Variants in CDH4 observed in about 807,000 individuals in gnomAD.
CDH4 encodes cadherin-4.
CDH4 carries 33 observed loss-of-function variants against 86.0 expected under a neutral mutation model. The ratio of observed to expected loss-of-function variants is 0.38; its 90% CI spans 0.29 to 0.51. The LOEUF (loss-of-function observed/expected upper bound fraction) is 0.51, where lower values mean the gene tolerates loss of function less well. CDH4 is among the 20% of genes least tolerant of loss of function. The pLI, the probability that CDH4 is intolerant of heterozygous loss-of-function variation, is 0.86. For missense variants in CDH4, 1,114 were observed against 1,307.4 expected, an observed-to-expected ratio of 0.85 and a Z score of 2.28; for synonymous variants, 555 against 549.4, an observed-to-expected ratio of 1.01 and a Z score of -0.14.
At chr20:61,545,169 G>A (rs936131953) in intron 2 of CDH4, among the ~76,000 whole-genome samples, 11 of 152,210 alleles carry the variant, frequency 7.2e-5, no homozygotes, top group African/African-American at 1.2e-4. Flanking sequence ...ACGCAGCATC[G>A]GGACAACGTG....
At chr20:61,398,586 A>T (rs574224775) in intron 2 of CDH4, among the ~76,000 whole-genome samples, 52 of 152,298 alleles carry the variant, frequency 3.4e-4, no homozygotes, top group African/African-American at 1.2e-3. Context: ...CTCCTCTTCT[A>T]GGGAGCCGAG....
chr20:61,745,113 C>T (rs565392781), intron 3 of CDH4, among the ~76,000 whole-genome samples: 8 of 152,364 alleles, frequency 5.3e-5, no homozygotes, highest in South Asian at 4.1e-4. Context: ...GAAATCACCA[C>T]GCAAGGCGGC....
chr20:61,630,057 T>C (rs1272004021), intron 2 of CDH4, among the ~76,000 whole-genome samples: 1 of 152,094 alleles, frequency 6.6e-6, no homozygotes, highest in African/African-American at 2.4e-5. Context: ...CCAGGGAGCC[T>C]GGCAGAGGCA....
chr20:61,884,616 C>T (rs1371727558), intron 7 of CDH4, among the ~76,000 whole-genome samples: 3 of 152,072 alleles, frequency 2.0e-5, no homozygotes, highest in African/African-American at 2.4e-5. Context: ...CCACCCCAGG[C>T]GAGGGAACCT....
At chr20:61,705,392 C>T (rs2087818766) in intron 2 of CDH4, among the ~76,000 whole-genome samples, 1 of 152,258 alleles carries the variant, frequency 6.6e-6, no homozygotes, top group Non-Finnish European at 1.5e-5. Context: ...GGAGCACGTT[C>T]AGCCCTTCAT....
chr20:61,856,434 A>G (rs1320397890), intron 6 of CDH4, among the ~76,000 whole-genome samples: 1 of 110,834 alleles, frequency 9.0e-6, no homozygotes, highest in African/African-American at 3.6e-5. Context: ...CTCTTCCCCA[A>G]CCACCCTGGG....
At chr20:61,367,122 G>A (rs1299768820) in intron 2 of CDH4, among the ~76,000 whole-genome samples, 1 of 152,168 alleles carries the variant, frequency 6.6e-6, no homozygotes, top group Non-Finnish European at 1.5e-5. Flanking sequence ...AAATGTGCAG[G>A]TCCTCAGGGA....
At chr20:61,526,479 G>GTTT (rs113473143) in intron 2 of CDH4, among the ~76,000 whole-genome samples, 7 of 150,204 alleles carry the variant, frequency 4.7e-5, no homozygotes, top group African/African-American at 1.7e-4. Context: ...TCCCTGGCTT[G>GTTT]TTTTTTTTTC....
chr20:61,610,110 G>A (rs2086673628), intron 2 of CDH4, among the ~76,000 whole-genome samples: 2 of 152,030 alleles, frequency 1.3e-5, no homozygotes, highest in Non-Finnish European at 2.9e-5. Flanking sequence ...CTTGATGTTT[G>A]TACCCATGAA....
intron 2 of CDH4, among the ~76,000 whole-genome samples, chr20:61,411,114 C>CCA (rs2085116749): frequency 6.8e-6 from 1 of 146,474 alleles, no homozygotes; most frequent in Admixed American, 6.7e-5. Context: ...ATTCATCCGT[C>CCA]TTTCCTTCCA....
At chr20:61,649,234 C>A (rs1052727059) in intron 2 of CDH4, among the ~76,000 whole-genome samples, 1 of 152,200 alleles carries the variant, frequency 6.6e-6, no homozygotes, top group African/African-American at 2.4e-5. Flanking sequence ...CACAGGGCCC[C>A]CCGAGCACGC....
chr20:61,819,336 C>T (rs943310442), intron 4 of CDH4, among the ~76,000 whole-genome samples: 2 of 152,234 alleles, frequency 1.3e-5, no homozygotes, highest in African/African-American at 4.8e-5. Context: ...TGGATGTTGG[C>T]ACATGCTGCT....
chr20:61,307,806 A>T (rs563930096), intron 2 of CDH4, among the ~76,000 whole-genome samples: 2 of 152,162 alleles, frequency 1.3e-5, no homozygotes, highest in East Asian at 1.9e-4. Flanking sequence ...AGGTGCTGGC[A>T]TGGGAAGGTG....
chr20:61,815,567 C>G (rs147565867), intron 4 of CDH4, among the ~76,000 whole-genome samples: 2 of 152,308 alleles, frequency 1.3e-5, no homozygotes, highest in African/African-American at 4.8e-5. Context: ...ATGAAACTCC[C>G]TGGATTGCAG....
intron 2 of CDH4, among the ~76,000 whole-genome samples, chr20:61,605,421 C>T (rs528294681): frequency 7.9e-5 from 12 of 152,122 alleles, no homozygotes; most frequent in African/African-American, 2.9e-4. Context: ...TTGTCTGTTT[C>T]TCTATGTATA....
At chr20:61,299,000 T>G (rs1304170876) in intron 2 of CDH4, among the ~76,000 whole-genome samples, 1 of 152,130 alleles carries the variant, frequency 6.6e-6, no homozygotes, top group Non-Finnish European at 1.5e-5. Flanking sequence ...CATTATGGGT[T>G]GAATTGAATC....
At position 61,572,603 on chromosome 20, in the gene CDH4, C is replaced by T. The variant is rs933356327; in HGVS notation, c.170-170960C>T. On this transcript the variant is annotated intron_variant, in intron 2 of 15. Transcript: ENST00000614565. The stretch of plus-strand genomic sequence containing the variant: ...CCCACATAGGCAATGGGCAGATCCA[C>T]GCTGCATGGTGAGGACACCCAGTCC... Among the ~76,000 whole-genome samples, 6 of 152,222 alleles carry T rather than the reference C, an allele frequency of 3.9e-5. No homozygotes were observed. The East Asian group carries it at 5.8e-4, about 15-fold the overall frequency.
chr20:61,463,164 T>C (rs1421302133), intron 2 of CDH4, among the ~76,000 whole-genome samples: 1 of 152,192 alleles, frequency 6.6e-6, no homozygotes, highest in African/African-American at 2.4e-5. Flanking sequence ...TCTTCCTCCG[T>C]GATTGTGAGG....
At chr20:61,448,206 T>C (rs1176970011) in intron 2 of CDH4, among the ~76,000 whole-genome samples, 1 of 152,252 alleles carries the variant, frequency 6.6e-6, no homozygotes, top group East Asian at 1.9e-4. Flanking sequence ...ACTTAATTCC[T>C]TCTGTATCCC....
Sources: allele counts gnomAD v4.1 joint callset (sites outside exome capture counted in the v4.1 genomes callset), GRCh38; gene constraint gnomAD v4.1.1; transcripts MANE v1.5; gene names NCBI Gene and HGNC (gene_info 2026-07-23, HGNC 2026-07-21).